The following ATP8B1 variants were observed in gnomAD, a reference collection of about 807,000 sequenced individuals.
ATP8B1 encodes ATPase phospholipid transporting 8B1.
In ATP8B1, 80 loss-of-function variants were observed where a neutral mutation model predicts 149.9. That is an observed-to-expected ratio of 0.53 (90% CI 0.45 to 0.64). ATP8B1 has a LOEUF of 0.64. ATP8B1 is among the 30% of genes least tolerant of loss of function. The pLI is 0.00. For missense variants in ATP8B1, 1,247 were observed against 1,552.6 expected (o/e 0.80, Z 3.31); for synonymous variants, 536 against 562.8 (o/e 0.95, Z 0.67).
At chr18:57,746,808 C>T (rs559740020) in intron 1 of ATP8B1, among the ~76,000 whole-genome samples, 110 of 152,170 alleles carry the variant, frequency 7.2e-4, no homozygotes, top group Non-Finnish European at 1.3e-3. Flanking sequence ...CATTCTGTCT[C>T]TTTGCAAATG....
intron 1 of ATP8B1, among the ~76,000 whole-genome samples, chr18:57,735,837 T>C (rs1461874597): frequency 6.6e-6 from 1 of 152,126 alleles, no homozygotes; most frequent in Non-Finnish European, 1.5e-5. Flanking sequence ...CTAGGATACA[T>C]GTGCAGAACA....
intron 15 of ATP8B1, among the ~76,000 whole-genome samples, chr18:57,677,146 AG>A (rs1911646738): frequency 6.6e-6 from 1 of 152,264 alleles, no homozygotes. Context: ...ATTCGTAGTC[AG>A]GAAAGTACTT....
intron 22 of ATP8B1, among the ~76,000 whole-genome samples, chr18:57,658,627 T>TTG (rs71171058): frequency 0.18 from 26,117 of 144,802 alleles, 2,357 homozygotes; most frequent in East Asian, 0.25. Context: ...AACAATTTCT[T>TTG]TGTGTGTGTG....
At chr18:57,707,559 A>G (rs1913469159) in intron 2 of ATP8B1, among the ~76,000 whole-genome samples, 1 of 152,012 alleles carries the variant, frequency 6.6e-6, no homozygotes, top group South Asian at 2.1e-4. Flanking sequence ...AACTATAATA[A>G]TAAAGATTGT....
At chr18:57,791,345 T>A (rs1396417784) in intron 1 of ATP8B1, among the ~76,000 whole-genome samples, 2 of 132,726 alleles carry the variant, frequency 1.5e-5, no homozygotes, top group Admixed American at 1.4e-4. Flanking sequence ...CTTTTTCTTT[T>A]CTTTTCTTTT....
At position 57,700,371 on chromosome 18, in the gene ATP8B1, A is replaced by G. The variant is rs79001215; in HGVS notation, c.554+668T>C. On this transcript the variant is annotated intron_variant, in intron 6 of 27. Transcript: ENST00000648908. ...CCATAAATGAATGGCAGATAAACAC[A>G]TAGTGATTAGACGACTGCCTCCAGT... is the stretch of plus-strand genomic sequence containing the variant. Among the ~76,000 whole-genome samples the G allele has an allele frequency of 3.6e-4, 55 of 152,306 alleles. 1 individual carries two copies. The East Asian group carries it at 0.011, about 29-fold the overall frequency.
intron 1 of ATP8B1, among the ~76,000 whole-genome samples, chr18:57,756,210 TACACACACACACACACACACACACACA>T: frequency 9.2e-6 from 1 of 109,048 alleles, no homozygotes; most frequent in East Asian, 2.1e-4. Context: ...TATATATATA[TACACACACACACACACACACACACACA>T]TATATACACA....
rs1189203617 is a variant in ATP8B1, at chr18:57,662,598, C to T, written c.2303G>A (p.Arg768Lys). 1 of 1,614,110 alleles carries T rather than the reference C, an allele frequency of 6.2e-7. No homozygotes were observed. Among genetic ancestry groups the T allele is most frequent in the Admixed American group, 1.7e-5 (1 of 60,008 alleles). The change falls in exon 21 of 28, where the codon AGG (arginine) becomes AAG (lysine). Residue 768 changes from arginine (R) to lysine (K), a missense_variant. Physicochemically the swap from Arg to Lys is conservative, Grantham distance 26. Around this residue, in one of 3 missense-constraint regions of ATP8B1, gnomAD observed 853 missense variants for 1,035.7 expected, o/e 0.82. Transcript: ENST00000648908. ...ACCTCTATTCCTCTGGTTTTCCATC[C>T]TTGCATGAAGAAGAGAACTAGGGGA... is the stretch of plus-strand genomic sequence containing the variant. ...GEDINSLLHA[R>K]MENQRNRGGV... is the part of the protein sequence containing the mutation.
chr18:57,675,161 C>T, intron 15 of ATP8B1, 139 bp from the exon 16 acceptor site: 1 of 800,334 alleles, frequency 1.2e-6, no homozygotes, highest in Non-Finnish European at 2.0e-6. Flanking sequence ...GAGTCATTGA[C>T]TTGGAAGGGT....
At position 57,802,062 on chromosome 18, in the gene ATP8B1, C is replaced by G. The variant is rs1219837740; in HGVS notation, c.-26+936G>C. 4 of 151,758 alleles carry G rather than the reference C, an allele frequency of 2.6e-5. No homozygotes were observed. The highest frequency in any genetic ancestry group is 1.9e-4 in the East Asian group (1 of 5,182). 9.4% of individuals were successfully genotyped at this position (151,758 alleles called of 1,614,324 possible). On this transcript the variant is annotated intron_variant, in intron 1 of 27. Transcript: ENST00000648908. The surrounding 1 kb of genome is among the most constrained non-coding windows in gnomAD (Gnocchi z 4.9). Reference sequence around the variant, plus strand: ...TCTGCGCTCCGAGCACCGCCCCCCCCCGCAACCAGCCACCAACCCCCGGCA... The same window carrying G: ...TCTGCGCTCCGAGCACCGCCCCCCCGCGCAACCAGCCACCAACCCCCGGCA...
intron 22 of ATP8B1, among the ~76,000 whole-genome samples, chr18:57,657,834 A>G (rs1910108637): frequency 6.6e-6 from 1 of 152,178 alleles, no homozygotes. Context: ...CAGACCAAGG[A>G]CAAATGTGAA....
intron 2 of ATP8B1, among the ~76,000 whole-genome samples, chr18:57,731,108 A>G (rs1049434219): frequency 1.5e-4 from 23 of 151,982 alleles, no homozygotes; most frequent in African/African-American, 5.3e-4. Flanking sequence ...AGCCTGGGCA[A>G]CATAGTGAAA....
At position 57,747,175 on chromosome 18, in the gene ATP8B1, G is replaced by A. The variant is rs779217160; in HGVS notation, c.-25-15343C>T. Among the ~76,000 whole-genome samples the A allele has an allele frequency of 7.9e-5, 12 of 152,204 alleles. 1 individual carries two copies. In the South Asian group the frequency reaches 8.3e-4, roughly 11 times the overall value. ...GCTTGAAAAGTCAGTGGCCCAGGCCGGGCGTGGTGGCTCATACCTGTAATC... is the reference window on the plus strand; with the variant it reads ...GCTTGAAAAGTCAGTGGCCCAGGCCAGGCGTGGTGGCTCATACCTGTAATC... On this transcript the variant is annotated intron_variant, in intron 1 of 27. Transcript: ENST00000648908.
At position 57,698,192 on chromosome 18, in the gene ATP8B1, G is replaced by T. The variant is rs1208309347; in HGVS notation, c.555-325C>A. Among the ~76,000 whole-genome samples, 3 of 152,270 alleles carry T rather than the reference G, an allele frequency of 2.0e-5. No individual in the cohort carries two copies. The East Asian group carries it at 5.8e-4, about 29-fold the overall frequency. The stretch of plus-strand genomic sequence containing the variant: ...CTTATGTCCAACTTGCCTCCCTGCT[G>T]TGTTCCTTCTCAGTGACCCATCACT... On this transcript the variant is annotated intron_variant, in intron 6 of 27. Coordinates refer to ENST00000648908, the MANE Select transcript of ATP8B1 (RefSeq NM_001374385.1).
At chr18:57,699,531 T>G (rs140264395) in intron 6 of ATP8B1, among the ~76,000 whole-genome samples, 2 of 151,672 alleles carry the variant, frequency 1.3e-5, no homozygotes, top group Non-Finnish European at 2.9e-5. Context: ...GGTCAGGAGA[T>G]TAAGACCACG....
At chr18:57,797,710 T>C (rs1428673071) in intron 1 of ATP8B1, among the ~76,000 whole-genome samples, 5 of 140,342 alleles carry the variant, frequency 3.6e-5, no homozygotes, top group Admixed American at 7.1e-5. Context: ...TTTCTTTTTT[T>C]TTTTTTTTTT....
At chr18:57,736,661 G>A (rs1022047807) in intron 1 of ATP8B1, among the ~76,000 whole-genome samples, 2 of 140,554 alleles carry the variant, frequency 1.4e-5, no homozygotes, top group African/African-American at 5.3e-5. Context: ...GGATCTCACT[G>A]CATTGTCCAA....
rs200387340 is a variant in ATP8B1 at position 57,764,321 on chromosome 18, CTTTT to C, written c.-25-32493_-25-32490del. ...TTCTTCCTTCCTTCTTTCTTTCTTT[CTTTT>C]TCTTTCTTTCTTTCTTTTTCTTTCT... On this transcript the variant is annotated intron_variant, in intron 1 of 27. Coordinates refer to ENST00000648908, the MANE Select transcript of ATP8B1 (RefSeq NM_001374385.1). Among the ~76,000 whole-genome samples the C allele has an allele frequency of 0.012, 1,254 of 105,218 alleles. 38 individuals are homozygous for C. The East Asian group carries it at 0.13, about 11-fold the overall frequency. The allele number at this position is 105,218 out of a possible 152,430, so 69.0% of individuals were successfully genotyped here. A position where few individuals can be genotyped will look rare whatever the true frequency, so the allele number is the denominator to read the frequency against.
Position 57,706,533 on chromosome 18 carries a change from A to C in ATP8B1, c.236T>G (p.Phe79Cys). Reference protein sequence around the residue: ...NDRKYHEQPHFMNTKFLCIKE... With the variant: ...NDRKYHEQPHCMNTKFLCIKE... ...AATACACAAGAATTTTGTGTTCATA[A>C]AGTGAGGTTGTTCGTGGTACTTGCG... The change falls in exon 3 of 28, where the codon TTT (phenylalanine) becomes TGT (cysteine). Residue 79 changes from phenylalanine (F) to cysteine (C), a missense_variant. Phe to Cys is a radical substitution (Grantham distance 205, BLOSUM62 -2). Around this residue, in one of 3 missense-constraint regions of ATP8B1, gnomAD observed 853 missense variants for 1,035.7 expected, o/e 0.82. Coordinates refer to ENST00000648908, the MANE Select transcript of ATP8B1 (RefSeq NM_001374385.1). 1 of 1,614,108 alleles carries C rather than the reference A, an allele frequency of 6.2e-7. No homozygotes were observed. The highest frequency in any genetic ancestry group is 8.5e-7 in the Non-Finnish European group (1 of 1,179,994).
Sources: gnomAD v4.1 joint callset for allele counts (sites outside exome capture counted in the v4.1 genomes callset) on GRCh38, gnomAD v4.1.1 for gene constraint, gnomAD v4.1.1 regional missense constraint, Gnocchi (gnomAD v3.1) non-coding constraint, MANE v1.5 for transcripts, NCBI Gene and HGNC (gene_info 2026-07-23, HGNC 2026-07-21) for gene names.